PLAGL1: variants seen among roughly 807,000 people sequenced by gnomAD.
The protein encoded by PLAGL1 is PLAG1 like zinc finger 1.
In PLAGL1, 1 loss-of-function variant was observed where a neutral mutation model predicts 4.6. The ratio of observed to expected loss-of-function variants is 0.22; its 90% confidence interval spans 0.08 to 1.03. PLAGL1 has a LOEUF of 1.03. PLAGL1 is among the 50% of genes least tolerant of loss of function. The pLI, the probability that PLAGL1 is intolerant of heterozygous loss-of-function variation, is 0.58. For missense variants in PLAGL1, 464 were observed against 570.4 expected, an observed-to-expected ratio of 0.81 and a Z score of 1.90; for synonymous variants, 240 against 237.8, an observed-to-expected ratio of 1.01 and a Z score of -0.08.
chr6:144,019,017 G>C (rs1423469702), intron 1 of PLAGL1, among the ~76,000 whole-genome samples: 1 of 152,054 alleles, frequency 6.6e-6, no homozygotes, highest in Non-Finnish European at 1.5e-5. Flanking sequence ...CTGGGGTACA[G>C]AGAAAGACCC....
intron 1 of PLAGL1, among the ~76,000 whole-genome samples, chr6:144,060,386 G>A (rs2128731636): frequency 6.6e-6 from 1 of 152,248 alleles, no homozygotes. Flanking sequence ...ATTTCACCTA[G>A]TTGGTTTCCT....
In PLAGL1 at chr6:143,952,733, TTAAAA is replaced by T. The variant is rs1385209606; in HGVS notation, c.-324-4278_-324-4274del. 5.9e-5 allele frequency among the ~76,000 whole-genome samples: 9 copies of T among 152,312 alleles called. No individual in the cohort carries two copies. The highest frequency in any genetic ancestry group is 4.1e-4 in the South Asian group (2 of 4,830). On this transcript the variant is annotated intron_variant, in intron 6 of 7. Transcript: ENST00000674357. This position sits in a 1 kb window ranked among gnomAD's most constrained non-coding sequence, Gnocchi z 6.1. ...GGGGCACAACTGCTTTACAACATTCTTAAAATAAACTGTGACTTCTGGCATCTATT... is the reference window on the plus strand; with the variant it reads ...GGGGCACAACTGCTTTACAACATTCTTAAACTGTGACTTCTGGCATCTATT...
Position 144,016,004 on chromosome 6 carries a change from C to A in PLAGL1, c.-150-47026G>T, listed in dbSNP as rs1358246886. Among the ~76,000 whole-genome samples, 2 of 152,088 alleles carry A rather than the reference C, an allele frequency of 1.3e-5. No individual in the cohort carries two copies. The highest frequency in any genetic ancestry group is 2.9e-5 in the Non-Finnish European group (2 of 68,016). Reference sequence around the variant, plus strand: ...ATGGGCAAACTGCTGATACTGTCAACACAGATGAATCAAAACAACAACAAC... The same window carrying A: ...ATGGGCAAACTGCTGATACTGTCAAAACAGATGAATCAAAACAACAACAAC... On this transcript the variant is annotated intron_variant, in intron 1 of 3. Transcript: ENST00000437412. The surrounding 1 kb of genome is among the most constrained non-coding windows in gnomAD (Gnocchi z 4.2).
rs1798718537 is a variant in PLAGL1, at chr6:144,053,344, AG to A, written c.-151+11123del. Among the ~76,000 whole-genome samples, 1 of 152,216 alleles carries A rather than the reference AG, an allele frequency of 6.6e-6. No individual in the cohort carries two copies. Among genetic ancestry groups the A allele is most frequent in the African/African-American group, 2.4e-5 (1 of 41,454 alleles). ...GAGACAGGGTTTCACCATGTTAGCC[AG>A]GCTGGTCTGAAACTCCTGACCTCAG... On this transcript the variant is annotated intron_variant, in intron 1 of 3. Transcript: ENST00000437412. This position sits in a 1 kb window ranked among gnomAD's most constrained non-coding sequence, Gnocchi z 4.0.
chr6:143,976,798 T>A (rs1562476829), intron 2 of PLAGL1, among the ~76,000 whole-genome samples: 2 of 152,218 alleles, frequency 1.3e-5, no homozygotes, highest in African/African-American at 4.8e-5. Context: ...ACACATTTTT[T>A]AATGAAAGAT....
Position 143,982,516 on chromosome 6 carries a change from A to C in PLAGL1, c.-544+2619T>G, listed in dbSNP as rs1004749091. Among the ~76,000 whole-genome samples the C allele has an allele frequency of 6.6e-6, 1 of 152,186 alleles. No individual in the cohort carries two copies. Among genetic ancestry groups the C allele is most frequent in the African/African-American group, 2.4e-5 (1 of 41,444 alleles). ...GAAAAGTAACACGATCAGACTTAAC[A>C]GTTTTAAATAATTTATCGGGCTGTT... On this transcript the variant is annotated intron_variant, in intron 2 of 7. Coordinates refer to ENST00000674357, the MANE Select transcript of PLAGL1 (RefSeq NM_001317162.2). This position sits in a 1 kb window ranked among gnomAD's most constrained non-coding sequence, Gnocchi z 5.3.
rs116090645 is a variant in PLAGL1 at position 144,027,087 on chromosome 6, G to A, written c.-151+37381C>T. Among the ~76,000 whole-genome samples, 2,368 of 151,752 alleles carry A rather than the reference G, an allele frequency of 0.016. 60 individuals carry two copies. The highest frequency in any genetic ancestry group is 0.054 in the African/African-American group (2,242 of 41,326). ...AAAATTAAAAAAATTAGTCAGCCGCGGTGGCATGCATCTGTGATCCCAGCT... is the reference window on the plus strand; with the variant it reads ...AAAATTAAAAAAATTAGTCAGCCGCAGTGGCATGCATCTGTGATCCCAGCT... On this transcript the variant is annotated intron_variant, in intron 1 of 3. Coordinates refer to the PLAGL1 transcript ENST00000437412. This position sits in a 1 kb window ranked among gnomAD's most constrained non-coding sequence, Gnocchi z 5.8.
chr6:143,977,408 C>T (rs1299349032), intron 2 of PLAGL1, among the ~76,000 whole-genome samples: 1 of 149,692 alleles, frequency 6.7e-6, no homozygotes, highest in Non-Finnish European at 1.5e-5. Flanking sequence ...TAATTTTCTT[C>T]CATGCCTTTT....
intron 1 of PLAGL1, among the ~76,000 whole-genome samples, chr6:143,996,678 C>T (rs1042427674): frequency 2.8e-5 from 4 of 144,954 alleles, no homozygotes; most frequent in Admixed American, 1.4e-4. Context: ...TAGCCATCTT[C>T]GATCATGAGG....
At chr6:144,043,204 ACACTAT>A (rs1224729687) in intron 1 of PLAGL1, among the ~76,000 whole-genome samples, 1 of 152,142 alleles carries the variant, frequency 6.6e-6, no homozygotes, top group Non-Finnish European at 1.5e-5. Flanking sequence ...AGAACTTCCA[ACACTAT>A]GTTGAATTGA....
At chr6:144,031,964 A>T (rs1243152209) in intron 1 of PLAGL1, among the ~76,000 whole-genome samples, 6 of 152,186 alleles carry the variant, frequency 3.9e-5, no homozygotes, top group Non-Finnish European at 8.8e-5. Context: ...TCACAATATT[A>T]ATTCTACCTA....
rs1281960073 is a variant in PLAGL1 at position 144,055,854 on chromosome 6, T to G, written c.-151+8614A>C. Among the ~76,000 whole-genome samples, 1 of 152,208 alleles carries G rather than the reference T, an allele frequency of 6.6e-6. No individual in the cohort carries two copies. The highest frequency in any genetic ancestry group is 1.5e-5 in the Non-Finnish European group (1 of 68,034). ...CCACTGTCTTTCTTTGGGTACTACA[T>G]TCACACACACAGAGAGATTCATGTT... On this transcript the variant is annotated intron_variant, in intron 1 of 3. Transcript: ENST00000437412. The surrounding 1 kb of genome is among the most constrained non-coding windows in gnomAD (Gnocchi z 5.0).
intron 1 of PLAGL1, among the ~76,000 whole-genome samples, chr6:144,049,614 G>A (rs879462942): frequency 6.6e-6 from 1 of 152,020 alleles, no homozygotes; most frequent in African/African-American, 2.4e-5. Context: ...ATCAGATCTT[G>A]TGAGAACTCA....
At chr6:143,999,585 C>G (rs1792391198) in intron 1 of PLAGL1, among the ~76,000 whole-genome samples, 1 of 152,154 alleles carries the variant, frequency 6.6e-6, no homozygotes. Flanking sequence ...TAAATCGCTC[C>G]AGAAAGTTGG....
At chr6:143,981,799 C>T (rs983820487) in intron 2 of PLAGL1, among the ~76,000 whole-genome samples, 1 of 152,124 alleles carries the variant, frequency 6.6e-6, no homozygotes, top group African/African-American at 2.4e-5. Context: ...AATAAATTGT[C>T]CCAGCTCAAG....
intron 6 of PLAGL1, among the ~76,000 whole-genome samples, chr6:143,951,560 G>C (rs1186486500): frequency 2.0e-5 from 3 of 152,246 alleles, no homozygotes; most frequent in African/African-American, 7.2e-5. Context: ...CTTGCCCTTT[G>C]GCACTGAATG....
At position 143,994,821 on chromosome 6, in the gene PLAGL1, TC is replaced by T. The variant is rs1177178979; in HGVS notation, c.-583-9648del. 6.6e-6 allele frequency among the ~76,000 whole-genome samples: 1 copy of T among 152,224 alleles called. No individual in the cohort carries two copies. Among genetic ancestry groups the T allele is most frequent in the Non-Finnish European group, 1.5e-5 (1 of 68,036 alleles). ...TGATGTCTTAAGAGTGGGGCTTTAA[TC>T]CAATTAAAATTCTCATTATAATACA... is the stretch of plus-strand genomic sequence containing the variant. On this transcript the variant is annotated intron_variant, in intron 1 of 7. Coordinates refer to ENST00000674357, the MANE Select transcript of PLAGL1 (RefSeq NM_001317162.2). The surrounding 1 kb of genome is among the most constrained non-coding windows in gnomAD (Gnocchi z 4.3).
chr6:144,045,458 G>A (rs896775479), intron 1 of PLAGL1, among the ~76,000 whole-genome samples: 1 of 152,106 alleles, frequency 6.6e-6, no homozygotes, highest in Non-Finnish European at 1.5e-5. Context: ...GCTTAGTTTG[G>A]CTGGATATGA....
At chr6:143,976,646 A>T (rs539805017) in intron 2 of PLAGL1, among the ~76,000 whole-genome samples, 1 of 152,332 alleles carries the variant, frequency 6.6e-6, no homozygotes, top group African/African-American at 2.4e-5. Context: ...AAGAACTCTT[A>T]TGAATATCTA....
Sources: gnomAD v4.1 joint callset for allele counts (sites outside exome capture counted in the v4.1 genomes callset) on GRCh38, gnomAD v4.1.1 for gene constraint, Gnocchi (gnomAD v3.1) non-coding constraint, MANE v1.5 for transcripts, NCBI Gene and HGNC (gene_info 2026-07-23, HGNC 2026-07-21) for gene names.